The following RELCH variants were observed in gnomAD, a reference collection of about 807,000 sequenced individuals.
The protein encoded by RELCH is RAB11 binding and LisH domain, coiled-coil and HEAT repeat containing.
Under a neutral mutation model 150.3 loss-of-function variants are expected in RELCH, and 41 were observed. The ratio of observed to expected loss-of-function variants is 0.27; its 90% CI spans 0.21 to 0.35. The LOEUF is 0.35. Among genes scored for constraint, RELCH ranks in the 10% least tolerant of loss-of-function variants. RELCH has a pLI of 1.00. For missense variants in RELCH, 1,092 were observed against 1,467.8 expected (o/e 0.74, Z 4.18); for synonymous variants, 478 against 531.8 (o/e 0.90, Z 1.39).
chr18:62,273,281 G>A (rs1016471035), intron 20 of RELCH, among the ~76,000 whole-genome samples: 12 of 151,826 alleles, frequency 7.9e-5, no homozygotes, highest in Non-Finnish European at 1.8e-4. Flanking sequence ...GATTATGAAA[G>A]TAATAATAGT....
intron 1 of RELCH, among the ~76,000 whole-genome samples, chr18:62,192,610 A>G (rs1052951610): frequency 6.6e-6 from 1 of 152,194 alleles, no homozygotes; most frequent in Non-Finnish European, 1.5e-5. Flanking sequence ...GCATATGGCT[A>G]GCCAGTTCTC....
chr18:62,237,495 A>G (rs1488909679), intron 10 of RELCH, among the ~76,000 whole-genome samples: 1 of 151,816 alleles, frequency 6.6e-6, no homozygotes, highest in Non-Finnish European at 1.5e-5. Context: ...ATGATACTGT[A>G]TTCTATGCAC....
rs532078278 is a variant in RELCH, at chr18:62,227,050, C to T, written c.859-239C>T. On this transcript the variant is annotated intron_variant, in intron 5 of 28. Coordinates refer to ENST00000644646, the MANE Select transcript of RELCH (RefSeq NM_001346231.2). ...AAAAAAAAATTTTTTTTGATTGGTT[C>T]GGCACAGTGGCGGGTGCTTGTAGTT... Among the ~76,000 whole-genome samples, 242 of 151,638 alleles carry T rather than the reference C, an allele frequency of 1.6e-3. 1 individual carries two copies. Among genetic ancestry groups the T allele is most frequent in the Admixed American group, 3.7e-3 (56 of 15,224 alleles).
intron 22 of RELCH, among the ~76,000 whole-genome samples, chr18:62,276,605 G>A (rs949779479): frequency 2.0e-5 from 3 of 152,148 alleles, no homozygotes; most frequent in African/African-American, 2.4e-5. Flanking sequence ...AAATCTTGCC[G>A]AATATCAGAA....
At position 62,281,713 on chromosome 18, in the gene RELCH, A is replaced by G. The variant is rs150753452; in HGVS notation, c.3115-593A>G. On this transcript the variant is annotated intron_variant, in intron 24 of 28. Transcript: ENST00000644646. ...AAAGTTTTAATAAAACTCCTTTGTC[A>G]TATAGATTTTTCATGACAAAAACTA... Among the ~76,000 whole-genome samples, 1,129 of 152,332 alleles carry G rather than the reference A, an allele frequency of 7.4e-3. 15 individuals are homozygous for G. Among genetic ancestry groups the G allele is most frequent in the African/African-American group, 0.026 (1,073 of 41,582 alleles).
chr18:62,255,310 T>TGGAAAAGGAA, intron 12 of RELCH, 97 bp from the exon 13 acceptor site: 1 of 853,938 alleles, frequency 1.2e-6, no homozygotes, highest in Non-Finnish European at 2.0e-6. Flanking sequence ...GAAGCTTTAT[T>TGGAAAAGGAA]GCATTCTTAA....
intron 1 of RELCH, among the ~76,000 whole-genome samples, chr18:62,201,907 A>G (rs1349583770): frequency 6.6e-6 from 1 of 152,198 alleles, no homozygotes; most frequent in Non-Finnish European, 1.5e-5. Context: ...ATCTGAGACT[A>G]AGTTTTTCAA....
chr18:62,208,996 A>G (rs2039992019), intron 1 of RELCH, among the ~76,000 whole-genome samples: 1 of 152,068 alleles, frequency 6.6e-6, no homozygotes, highest in Non-Finnish European at 1.5e-5. Context: ...GCCCTCCTCC[A>G]CTTTTCAAGA....
chr18:62,243,271 A>G (rs1223662059), intron 10 of RELCH, among the ~76,000 whole-genome samples: 2 of 151,998 alleles, frequency 1.3e-5, no homozygotes, highest in African/African-American at 2.4e-5. Context: ...CAGACAGAAT[A>G]TTTACTATTT....
chr18:62,200,964 CTTTTTTTTTTTTTT>C (rs543882947), intron 1 of RELCH, among the ~76,000 whole-genome samples: 5 of 54,988 alleles, frequency 9.1e-5, no homozygotes, highest in South Asian at 8.9e-4. Context: ...TTTTTCTTTG[CTTTTTTTTTTTTTT>C]TTTTTTTTTT....
At chr18:62,302,007 G>C (rs961921064) in intron 28 of RELCH, among the ~76,000 whole-genome samples, 2 of 152,184 alleles carry the variant, frequency 1.3e-5, no homozygotes, top group African/African-American at 2.4e-5. Flanking sequence ...CAGAACCCAG[G>C]CATTACGGTC....
intron 10 of RELCH, among the ~76,000 whole-genome samples, chr18:62,239,639 T>A (rs2042042647): frequency 2.0e-5 from 3 of 152,102 alleles, no homozygotes; most frequent in Admixed American, 1.3e-4. Context: ...CATTTCCAAA[T>A]GATCTTTTCA....
At chr18:62,241,332 G>A (rs2042139418) in intron 10 of RELCH, among the ~76,000 whole-genome samples, 6 of 152,116 alleles carry the variant, frequency 3.9e-5, no homozygotes. Flanking sequence ...GAGCCCAGGA[G>A]TTTGGGGCAG....
At chr18:62,290,763 GC>G (rs1167921494) in intron 26 of RELCH, among the ~76,000 whole-genome samples, 1 of 152,126 alleles carries the variant, frequency 6.6e-6, no homozygotes, top group African/African-American at 2.4e-5. Flanking sequence ...CTTAACAAAT[GC>G]TCTTATTACA....
chr18:62,219,307 GT>G (rs1181584628), intron 2 of RELCH, among the ~76,000 whole-genome samples: 3 of 113,690 alleles, frequency 2.6e-5, no homozygotes, highest in East Asian at 2.8e-4. Flanking sequence ...GTTTTAACCA[GT>G]TTTTTTTTCT....
Position 62,279,888 on chromosome 18 carries a change from A to T in RELCH, c.3050+32A>T, listed in dbSNP as rs932577734. 3 of 1,367,936 alleles carry T rather than the reference A, an allele frequency of 2.2e-6. No homozygotes were observed. The African/African-American group carries it at 4.3e-5, about 20-fold the overall frequency. 84.7% of individuals were successfully genotyped at this position (1,367,936 alleles called of 1,614,324 possible). A position where few individuals can be genotyped will look rare whatever the true frequency, so the allele number is the denominator to read the frequency against. On this transcript the variant is annotated intron_variant, in intron 23 of 28. Coordinates refer to ENST00000644646, the MANE Select transcript of RELCH (RefSeq NM_001346231.2). The stretch of plus-strand genomic sequence containing the variant: ...GTCATCCCTGCCTTTTATATTCGGC[A>T]TCCCTTTCAAAATGTGCCTGTCAAG...
chr18:62,279,906 C>A lies in RELCH; in HGVS notation c.3050+50C>A, dbSNP rs1049609383. 10 of 1,204,120 alleles carry A rather than the reference C, an allele frequency of 8.3e-6. No homozygotes were observed. The African/African-American group carries it at 1.5e-4, about 18-fold the overall frequency. The allele number at this position is 1,204,120 out of a possible 1,614,324, so 74.6% of individuals were successfully genotyped here. ...ATTCGGCATCCCTTTCAAAATGTGC[C>A]TGTCAAGAAATAACCATCAGCTCTT... On this transcript the variant is annotated intron_variant, in intron 23 of 28. Transcript: ENST00000644646.
chr18:62,261,452 T>A, intron 15 of RELCH, 59 bp from the exon 16 acceptor site: 2 of 1,485,992 alleles, frequency 1.3e-6, no homozygotes, highest in Non-Finnish European at 1.9e-6. Context: ...CATACATAAA[T>A]CCAATTAGCA....
intron 1 of RELCH, among the ~76,000 whole-genome samples, chr18:62,199,310 T>A (rs1243874843): frequency 2.0e-5 from 3 of 152,100 alleles, no homozygotes; most frequent in Non-Finnish European, 4.4e-5. Flanking sequence ...CCTGTGAATA[T>A]GTGTTTCTAA....
Sources: gnomAD v4.1 joint callset for allele counts (sites outside exome capture counted in the v4.1 genomes callset) on GRCh38, gnomAD v4.1.1 for gene constraint, MANE v1.5 for transcripts, NCBI Gene and HGNC (gene_info 2026-07-23, HGNC 2026-07-21) for gene names.